The following LIMCH1 variants were observed in gnomAD, a reference collection of about 807,000 sequenced individuals.
The protein encoded by LIMCH1 is LIM and calponin homology domains 1.
Under a neutral mutation model 176.5 loss-of-function variants are expected in LIMCH1, and 113 were observed. That is an observed-to-expected ratio of 0.64 (90% confidence interval 0.55 to 0.75). The LOEUF (loss-of-function observed/expected upper bound fraction) is 0.75, where lower values mean the gene tolerates loss of function less well. Ranked by LOEUF, LIMCH1 falls within the 30% of genes least tolerant of loss-of-function variation. The probability of loss-of-function intolerance (pLI) is 0.00; values close to 1 mark genes in which losing one functional copy is unlikely to be tolerated. For synonymous variants in LIMCH1, 619 were observed against 645.9 expected (o/e 0.96, Z 0.63); for missense variants, 1,674 against 1,814.9 (o/e 0.92, Z 1.41).
At chr4:41,635,869 A>T (rs1403672542) in intron 13 of LIMCH1, among the ~76,000 whole-genome samples, 2 of 152,216 alleles carry the variant, frequency 1.3e-5, no homozygotes, top group Non-Finnish European at 2.9e-5. Context: ...CAATGGGTGC[A>T]TAGGCTATTC....
At chr4:41,583,138 T>G (rs2085818189) in intron 1 of LIMCH1, among the ~76,000 whole-genome samples, 1 of 152,174 alleles carries the variant, frequency 6.6e-6, no homozygotes. Context: ...TCTACATCTG[T>G]GAGGGTAGGC....
intron 1 of LIMCH1, among the ~76,000 whole-genome samples, chr4:41,486,740 G>T (rs1240180743): frequency 2.0e-5 from 3 of 152,000 alleles, no homozygotes; most frequent in Non-Finnish European, 4.4e-5. Context: ...TCTTAGAGGG[G>T]ATGGGAGCAC....
intron 1 of LIMCH1, among the ~76,000 whole-genome samples, chr4:41,580,623 A>G (rs995649941): frequency 5.3e-5 from 8 of 152,196 alleles, no homozygotes; most frequent in African/African-American, 1.7e-4. Context: ...AGCTTAAGAA[A>G]TAAAGAGAAA....
At chr4:41,620,354 G>A in intron 6 of LIMCH1, 70 bp from the exon 7 acceptor site, 6 of 1,367,646 alleles carry the variant, frequency 4.4e-6, no homozygotes, top group South Asian at 1.4e-5. Context: ...AGAATAGCGG[G>A]GAGATGACAT....
intron 1 of LIMCH1, among the ~76,000 whole-genome samples, chr4:41,484,139 ATTTC>A (rs893306870): frequency 3.9e-5 from 6 of 152,174 alleles, no homozygotes; most frequent in African/African-American, 1.4e-4. Flanking sequence ...TCATTCAGCT[ATTTC>A]TTCAGTTATG....
At chr4:41,417,945 AAAG>A (rs1322426993) in intron 1 of LIMCH1, among the ~76,000 whole-genome samples, 2 of 152,230 alleles carry the variant, frequency 1.3e-5, no homozygotes, top group Non-Finnish European at 2.9e-5. Flanking sequence ...ATTTTCTTAA[AAAG>A]AAGTAGCCAA....
chr4:41,568,902 T>C (rs1349487323), intron 1 of LIMCH1, among the ~76,000 whole-genome samples: 1 of 152,196 alleles, frequency 6.6e-6, no homozygotes, highest in Non-Finnish European at 1.5e-5. Flanking sequence ...TTCTTCTCTT[T>C]TTTTCTCTTT....
intron 7 of LIMCH1, among the ~76,000 whole-genome samples, chr4:41,621,633 C>T (rs1285780415): frequency 1.3e-5 from 2 of 152,048 alleles, no homozygotes; most frequent in Non-Finnish European, 2.9e-5. Context: ...TCCCAAGTAG[C>T]TCGGATTACA....
chr4:41,592,710 C>A (rs1173183451), intron 1 of LIMCH1, among the ~76,000 whole-genome samples: 1 of 152,108 alleles, frequency 6.6e-6, no homozygotes, highest in Non-Finnish European at 1.5e-5. Context: ...CGATAGCATC[C>A]CCCACCTTAT....
At chr4:41,415,393 ATCCCCTCTCTTGCCCCC>A (rs1561294766) in intron 1 of LIMCH1, among the ~76,000 whole-genome samples, 2 of 152,120 alleles carry the variant, frequency 1.3e-5, no homozygotes, top group Admixed American at 1.3e-4. Context: ...TAAACTTTCC[ATCCCCTCTCTTGCCCCC>A]TCCCCTCCTT....
intron 1 of LIMCH1, among the ~76,000 whole-genome samples, chr4:41,592,364 A>T (rs985677538): frequency 2.6e-5 from 4 of 152,216 alleles, no homozygotes; most frequent in African/African-American, 7.2e-5. Flanking sequence ...CCTCCAAATG[A>T]ACTTTTGGTA....
At position 41,662,877 on chromosome 4, in the gene LIMCH1, G is replaced by A. The variant is rs538025734; in HGVS notation, c.3184G>A (p.Glu1062Lys). 7.0e-5 allele frequency: 113 copies of A among 1,613,942 alleles called. No individual in the cohort carries two copies. The highest frequency in any genetic ancestry group is 9.4e-5 in the Non-Finnish European group (111 of 1,180,012). Residue 1062 changes from glutamate (E) to lysine (K), a missense_variant, in exon 20 of 32, where the codon GAA (glutamate) becomes AAA (lysine). Transcript: ENST00000503057. ...ATGCAGCCCGACCGTGGCCTTTGTG[G>A]AATTTCCCTCCAGCCCCCAGCTGAA... ...TRCSPTVAFVEFPSSPQLKND... is the reference protein window; with the variant it reads ...TRCSPTVAFVKFPSSPQLKND...
chr4:41,666,446 A>T, intron 20 of LIMCH1, 115 bp from the exon 21 acceptor site: 1 of 614,328 alleles, frequency 1.6e-6, no homozygotes, highest in Non-Finnish European at 2.8e-6. Flanking sequence ...TTTAAATGTT[A>T]ACTGTTTGAA....
chr4:41,600,217 A>G (rs1046918813), intron 2 of LIMCH1, among the ~76,000 whole-genome samples: 5 of 152,198 alleles, frequency 3.3e-5, no homozygotes, highest in African/African-American at 1.2e-4. Context: ...ATAACAGAAT[A>G]AAAATCAGGA....
rs140192240 is a variant in LIMCH1, at chr4:41,646,132, C to T, written c.2263C>T (p.Arg755Cys). The T allele has an allele frequency of 1.2e-6, 2 of 1,607,856 alleles. No individual in the cohort carries two copies. Among genetic ancestry groups the T allele is most frequent in the East Asian group, 2.2e-5 (1 of 44,820 alleles). Residue 755 changes from arginine (R) to cysteine (C), a missense_variant, in exon 16 of 32, where the codon CGT becomes TGT. By Grantham distance (180) the Arg-to-Cys change is radical (BLOSUM62 -3). This residue lies in a region of LIMCH1 where 1,015 missense variants were observed against 1,102.5 expected (regional missense o/e 0.92). Coordinates refer to ENST00000503057, the MANE Select transcript of LIMCH1 (RefSeq NM_001330672.2). Reference protein sequence around the residue: ...EDDKWQDDLARWKSRRRSVSQ... With the variant: ...EDDKWQDDLACWKSRRRSVSQ... ...TTTCTTTCCCTGCCAGGACCTGGCTCGTTGGAAGAGTCGTAGAAGAAGTGT... is the reference window on the plus strand; with the variant it reads ...TTTCTTTCCCTGCCAGGACCTGGCTTGTTGGAAGAGTCGTAGAAGAAGTGT...
chr4:41,397,074 C>G (rs1028382264), intron 1 of LIMCH1, among the ~76,000 whole-genome samples: 2 of 152,126 alleles, frequency 1.3e-5, no homozygotes, highest in African/African-American at 4.8e-5. Flanking sequence ...TCCTGTGCTC[C>G]TTGCTGGTTA....
chr4:41,464,740 G>C (rs376122077), intron 1 of LIMCH1, among the ~76,000 whole-genome samples: 2 of 152,120 alleles, frequency 1.3e-5, no homozygotes, highest in African/African-American at 4.8e-5. Flanking sequence ...GTTTTTTTCT[G>C]TCTGAAATTT....
chr4:41,638,829 G>C, intron 13 of LIMCH1, 103 bp from the exon 14 acceptor site: 1 of 885,082 alleles, frequency 1.1e-6, no homozygotes, highest in Non-Finnish European at 1.9e-6. Context: ...CAGCAAAAAA[G>C]GTTTGGCGCA....
chr4:41,369,601 C>T (rs2053634803), intron 1 of LIMCH1, among the ~76,000 whole-genome samples: 1 of 152,176 alleles, frequency 6.6e-6, no homozygotes, highest in Non-Finnish European at 1.5e-5. Flanking sequence ...ATTAATCCTT[C>T]CCTTCTTTGT....
Sources: gnomAD v4.1 joint callset for allele counts (sites outside exome capture counted in the v4.1 genomes callset) on GRCh38, gnomAD v4.1.1 for gene constraint, gnomAD v4.1.1 regional missense constraint, MANE v1.5 for transcripts, NCBI Gene and HGNC (gene_info 2026-07-23, HGNC 2026-07-21) for gene names.